The following EHMT1 variants were observed in gnomAD, a reference collection of about 807,000 sequenced individuals.
The protein encoded by EHMT1 is histone-lysine N-methyltransferase EHMT1.
Under a neutral mutation model 147.2 loss-of-function variants are expected in EHMT1, and 15 were observed. The observed-to-expected ratio is 0.10, with a 90% CI of 0.07 to 0.16. EHMT1 has a LOEUF of 0.16. EHMT1 is among the 10% of genes least tolerant of loss of function. EHMT1 has a pLI of 1.00. For synonymous variants in EHMT1, 795 were observed against 709.6 expected, an observed-to-expected ratio of 1.12 and a Z score of -1.91; for missense variants, 1,587 against 1,772.4, an observed-to-expected ratio of 0.90 and a Z score of 1.88.
At chr9:137,718,819 G>C (rs1182355491) in intron 3 of EHMT1, among the ~76,000 whole-genome samples, 5 of 148,518 alleles carry the variant, frequency 3.4e-5, no homozygotes, top group Admixed American at 6.7e-5. Context: ...GAAATGGCGC[G>C]ATCTCAGCTC....
In EHMT1 at chr9:137,802,362, A is replaced by G; in HGVS notation, c.2712+1378A>G. ...ACCTTCACAGAGGGTTCCAGAGGCCAGAAATGGGAGGTGCTGTAGCCCACA... is the reference window on the plus strand; with the variant it reads ...ACCTTCACAGAGGGTTCCAGAGGCCGGAAATGGGAGGTGCTGTAGCCCACA... On this transcript the variant is annotated intron_variant, in intron 18 of 26. Coordinates refer to ENST00000460843, the MANE Select transcript of EHMT1 (RefSeq NM_024757.5). 7.5e-6 allele frequency: 3 copies of G among 398,760 alleles called. No individual in the cohort carries two copies. The East Asian group carries it at 1.1e-4, about 14-fold the overall frequency. 24.7% of individuals were successfully genotyped at this position (398,760 alleles called of 1,614,324 possible). A position where few individuals can be genotyped will look rare whatever the true frequency, so the allele number is the denominator to read the frequency against.
chr9:137,769,397 ACT>A (rs1375573820), intron 10 of EHMT1, among the ~76,000 whole-genome samples: 1 of 151,826 alleles, frequency 6.6e-6, no homozygotes, highest in Non-Finnish European at 1.5e-5. Flanking sequence ...CTTTCCAATA[ACT>A]CTTTTTTTGG....
rs2133151801 is a variant in EHMT1, at chr9:137,834,352, G to A, written c.3544G>A (p.Gly1182Arg). 3 of 1,612,960 alleles carry A rather than the reference G, an allele frequency of 1.9e-6. No homozygotes were observed. Among genetic ancestry groups the A allele is most frequent in the Non-Finnish European group, 2.5e-6 (3 of 1,179,738 alleles). ...GTGCCGGCTTCTCGCCCTGCAGGAC[G>A]GGGAGGTTTACTGCATCGACGCGCG... ...SYLFDLDNKD[G>R]EVYCIDARFY... Residue 1182 changes from glycine (G) to arginine (R), a missense_variant, in exon 26 of 27, where the codon GGG (glycine) becomes AGG (arginine). Around this residue, in one of 7 missense-constraint regions of EHMT1, gnomAD observed 156 missense variants for 252.5 expected, o/e 0.62. Transcript: ENST00000460843.
intron 1 of EHMT1, among the ~76,000 whole-genome samples, chr9:137,692,174 G>A (rs1588196319): frequency 6.6e-6 from 1 of 152,120 alleles, no homozygotes; most frequent in Non-Finnish European, 1.5e-5. Context: ...CAGCGCTGAT[G>A]AAGAACGTTT....
chr9:137,796,109 G>T (rs928751686), intron 16 of EHMT1, among the ~76,000 whole-genome samples: 1 of 152,186 alleles, frequency 6.6e-6, no homozygotes, highest in East Asian at 1.9e-4. Context: ...CAGCACTCCT[G>T]CTTCCAACAC....
chr9:137,807,991 T>C (rs1247372005), intron 18 of EHMT1, among the ~76,000 whole-genome samples: 1 of 152,236 alleles, frequency 6.6e-6, no homozygotes, highest in Non-Finnish European at 1.5e-5. Flanking sequence ...CTAAGGACTC[T>C]TCTTCGTGTG....
intron 7 of EHMT1, among the ~76,000 whole-genome samples, chr9:137,753,705 G>C (rs1479558939): frequency 2.0e-5 from 3 of 152,350 alleles, no homozygotes; most frequent in Middle Eastern, 3.4e-3. Flanking sequence ...AGAAGCAGAT[G>C]CTTAAAACAT....
chr9:137,647,829 TC>T (rs1752884054), intron 1 of EHMT1, among the ~76,000 whole-genome samples: 1 of 152,082 alleles, frequency 6.6e-6, no homozygotes. Context: ...ACTCCTGAGC[TC>T]AGGCAATCCA....
chr9:137,620,508 C>G (rs1282876530), intron 1 of EHMT1, among the ~76,000 whole-genome samples: 3 of 152,190 alleles, frequency 2.0e-5, no homozygotes, highest in Non-Finnish European at 4.4e-5. Flanking sequence ...TTCGACCACC[C>G]AGGCTCAAAG....
chr9:137,808,099 C>T (rs1019349209), intron 18 of EHMT1, among the ~76,000 whole-genome samples: 13 of 152,168 alleles, frequency 8.5e-5, no homozygotes, highest in African/African-American at 2.4e-4. Context: ...CTGGAGCCAC[C>T]GAGGCAGGTC....
intron 1 of EHMT1, among the ~76,000 whole-genome samples, chr9:137,706,045 TG>T (rs1339695150): frequency 1.3e-3 from 7 of 5,308 alleles, no homozygotes; most frequent in African/African-American, 6.5e-3. Flanking sequence ...CCTTGTGCGT[TG>T]GGGGGTTGGG....
intron 15 of EHMT1, among the ~76,000 whole-genome samples, chr9:137,790,202 G>A (rs1432136784): frequency 3.3e-5 from 5 of 152,086 alleles, no homozygotes; most frequent in African/African-American, 1.2e-4. Context: ...TTAAATACTA[G>A]GTCTTTGTCA....
At chr9:137,721,568 AT>A (rs1946050977) in intron 3 of EHMT1, among the ~76,000 whole-genome samples, 2 of 84,388 alleles carry the variant, frequency 2.4e-5, no homozygotes, top group African/African-American at 9.8e-5. Context: ...CACGCCTCTC[AT>A]CCTCTCCCTC....
intron 1 of EHMT1, among the ~76,000 whole-genome samples, chr9:137,655,133 G>C (rs1357022077): frequency 6.6e-6 from 1 of 152,018 alleles, no homozygotes; most frequent in Non-Finnish European, 1.5e-5. Flanking sequence ...CAAGTAGCTG[G>C]GACTACAGGT....
chr9:137,740,865 C>T (rs1039435262), intron 4 of EHMT1, among the ~76,000 whole-genome samples: 3 of 152,032 alleles, frequency 2.0e-5, no homozygotes, highest in East Asian at 1.9e-4. Flanking sequence ...TGCAGTGGTG[C>T]GATCTCGGCT....
At chr9:137,815,625 C>G (rs969617705) in intron 22 of EHMT1, 8 of 405,286 alleles carry the variant, frequency 2.0e-5, no homozygotes, top group African/African-American at 1.6e-4. Context: ...CAGAGCAACC[C>G]AGGAGCTGGC....
intron 1 of EHMT1, among the ~76,000 whole-genome samples, chr9:137,637,056 C>T (rs534932464): frequency 6.6e-6 from 1 of 151,750 alleles, no homozygotes; most frequent in Non-Finnish European, 1.5e-5. Flanking sequence ...TGCTACCACG[C>T]CTGGCTATTT....
rs113257561 is a variant in EHMT1 at position 137,658,307 on chromosome 9, C to T, written c.21+39258C>T. 1.4e-4 allele frequency among the ~76,000 whole-genome samples: 21 copies of T among 152,108 alleles called. 1 individual carries two copies. Among genetic ancestry groups the T allele is most frequent in the African/African-American group, 4.6e-4 (19 of 41,484 alleles). ...CTGGCATTACAGGCTGGTGCCTCCA[C>T]ACCCGGTTAATTGTTGTATTTTTAG... On this transcript the variant is annotated intron_variant, in intron 1 of 26. Coordinates refer to ENST00000460843, the MANE Select transcript of EHMT1 (RefSeq NM_024757.5).
intron 1 of EHMT1, among the ~76,000 whole-genome samples, chr9:137,635,087 C>G (rs536003268): frequency 1.3e-5 from 2 of 151,942 alleles, no homozygotes; most frequent in African/African-American, 2.4e-5. Context: ...CTTTCAGGAT[C>G]TTGAAAGGGA....
Sources: allele counts gnomAD v4.1 joint callset (sites outside exome capture counted in the v4.1 genomes callset), GRCh38; gene constraint gnomAD v4.1.1; regional missense constraint gnomAD v4.1.1; transcripts MANE v1.5; gene names NCBI Gene and HGNC (gene_info 2026-07-23, HGNC 2026-07-21).